Variants in HIP1 observed in about 807,000 individuals in gnomAD.
HIP1 encodes the protein huntingtin-interacting protein 1.
HIP1 carries 65 observed loss-of-function variants against 147.6 expected under a neutral mutation model. The observed-to-expected ratio is 0.44, with a 90% CI of 0.36 to 0.54. The LOEUF is 0.54. Ranked by LOEUF, HIP1 falls within the 20% of genes least tolerant of loss-of-function variation. The pLI is 0.00. For synonymous variants in HIP1, 479 were observed against 504.0 expected, an observed-to-expected ratio of 0.95 and a Z score of 0.67; for missense variants, 1,061 against 1,299.6, an observed-to-expected ratio of 0.82 and a Z score of 2.82.
chr7:75,601,603 T>G (rs991284416), intron 1 of HIP1, among the ~76,000 whole-genome samples: 51 of 127,598 alleles, frequency 4.0e-4, no homozygotes, highest in African/African-American at 1.5e-3. Flanking sequence ...AACAAAACTC[T>G]CAACAACAAC....
rs587737072 is a variant in HIP1, at chr7:75,536,753, T to C, written c.*1419A>G. 8.7e-6 allele frequency: 2 copies of C among 229,090 alleles called. No homozygotes were observed. The highest frequency in any genetic ancestry group is 1.8e-4 in the South Asian group (1 of 5,488). The allele number at this position is 229,090 out of a possible 1,614,324, so 14.2% of individuals were successfully genotyped here. On this transcript the variant is annotated 3_prime_UTR_variant, in exon 31 of 31. Transcript: ENST00000336926. Reference sequence around the variant, plus strand: ...GCTTTGGGATCCAAGTCAGTAACAGTCCAGCACCTTGGCCTTTCTTCTGAT... The same window carrying C: ...GCTTTGGGATCCAAGTCAGTAACAGCCCAGCACCTTGGCCTTTCTTCTGAT...
chr7:75,617,937 C>G (rs1331503104), intron 1 of HIP1, among the ~76,000 whole-genome samples: 1 of 152,214 alleles, frequency 6.6e-6, no homozygotes, highest in African/African-American at 2.4e-5. Flanking sequence ...GTAAATCCAC[C>G]AGACATATCC....
At chr7:75,736,116 T>C (rs1224853502) in intron 1 of HIP1, among the ~76,000 whole-genome samples, 3 of 151,716 alleles carry the variant, frequency 2.0e-5, no homozygotes, top group South Asian at 2.1e-4. Flanking sequence ...AAAATTCTCT[T>C]TTTCTGCTCC....
chr7:75,661,021 G>A (rs907347582), intron 1 of HIP1, among the ~76,000 whole-genome samples: 1 of 152,124 alleles, frequency 6.6e-6, no homozygotes, highest in African/African-American at 2.4e-5. Flanking sequence ...GCTCACGCCT[G>A]TAATGCTAAC....
chr7:75,584,280 A>G (rs193077592), intron 5 of HIP1, among the ~76,000 whole-genome samples: 2 of 150,900 alleles, frequency 1.3e-5, no homozygotes, highest in Admixed American at 1.3e-4. Flanking sequence ...AATTTTTTTT[A>G]AGAGACAGGG....
chr7:75,719,329 C>G (rs1279299317), intron 1 of HIP1, among the ~76,000 whole-genome samples: 2 of 151,654 alleles, frequency 1.3e-5, no homozygotes, highest in African/African-American at 4.8e-5. Context: ...ACGGTGAAAC[C>G]CCGTCTCTAC....
chr7:75,627,305 A>C (rs1181652284), intron 1 of HIP1, among the ~76,000 whole-genome samples: 3 of 152,112 alleles, frequency 2.0e-5, no homozygotes. Flanking sequence ...CACTTCCTAC[A>C]CCACTTGGCA....
chr7:75,737,713 C>T (rs1330349988), intron 1 of HIP1, among the ~76,000 whole-genome samples: 7 of 152,158 alleles, frequency 4.6e-5, no homozygotes, highest in African/African-American at 1.4e-4. Flanking sequence ...TCTTTTCTAA[C>T]TAAAATCCCA....
chr7:75,640,093 G>C (rs1363540649), intron 1 of HIP1, among the ~76,000 whole-genome samples: 1 of 152,240 alleles, frequency 6.6e-6, no homozygotes, highest in Non-Finnish European at 1.5e-5. Flanking sequence ...AGTAGACACA[G>C]CTGGTGGCCT....
chr7:75,620,566 G>A (rs1288262722), intron 1 of HIP1, among the ~76,000 whole-genome samples: 1 of 151,990 alleles, frequency 6.6e-6, no homozygotes, highest in East Asian at 1.9e-4. Flanking sequence ...CATGCCTGTA[G>A]TCCCAGCTAC....
At chr7:75,700,907 G>A (rs996109209) in intron 1 of HIP1, among the ~76,000 whole-genome samples, 3 of 151,598 alleles carry the variant, frequency 2.0e-5, no homozygotes, top group East Asian at 2.0e-4. Flanking sequence ...GGGTTTCACC[G>A]TGTTAGCCAG....
intron 1 of HIP1, among the ~76,000 whole-genome samples, chr7:75,729,797 A>AAACAAACAAACAAAAATCACAGT (rs1801775536): frequency 1.8e-5 from 1 of 54,936 alleles, no homozygotes; most frequent in South Asian, 4.7e-4. Context: ...AAAACAAAAC[A>AAACAAACAAACAAAAATCACAGT]AACAAACAAA....
At chr7:75,560,666 G>A (rs1281461235) in intron 13 of HIP1, among the ~76,000 whole-genome samples, 2 of 152,180 alleles carry the variant, frequency 1.3e-5, no homozygotes, top group African/African-American at 4.8e-5. Flanking sequence ...ACTGTGCCTG[G>A]CCTAAATGCT....
chr7:75,546,021 A>G (rs1209805220), intron 25 of HIP1, among the ~76,000 whole-genome samples: 3 of 152,198 alleles, frequency 2.0e-5, no homozygotes, highest in African/African-American at 7.2e-5. Flanking sequence ...CATGCAGGAA[A>G]TAAATGGAAG....
intron 23 of HIP1, 65 bp from the exon 24 acceptor site, chr7:75,547,878 A>G (rs879960331): frequency 7.1e-7 from 1 of 1,403,040 alleles, no homozygotes; most frequent in Non-Finnish European, 1.0e-6. Context: ...ATGTCTTACT[A>G]TACTTTCAGT....
chr7:75,692,267 AT>A (rs797039250), intron 1 of HIP1, among the ~76,000 whole-genome samples: 163 of 150,468 alleles, frequency 1.1e-3, no homozygotes, highest in Middle Eastern at 3.4e-3. Flanking sequence ...TTATTTATTG[AT>A]TTTTTTTTAA....
chr7:75,542,016 C>G, intron 28 of HIP1, 36 bp from the exon 29 acceptor site: 1 of 1,578,992 alleles, frequency 6.3e-7, no homozygotes, highest in Non-Finnish European at 8.7e-7. Context: ...TCATCAAATT[C>G]TACCCTGGCT....
intron 1 of HIP1, among the ~76,000 whole-genome samples, chr7:75,630,779 T>C (rs1554508763): frequency 6.6e-6 from 1 of 152,182 alleles, no homozygotes; most frequent in Non-Finnish European, 1.5e-5. Context: ...CTAACAGGTC[T>C]GATTGCCCCG....
chr7:75,573,461 G>A (rs1397572575), intron 8 of HIP1, among the ~76,000 whole-genome samples: 1 of 152,074 alleles, frequency 6.6e-6, no homozygotes, highest in Non-Finnish European at 1.5e-5. Flanking sequence ...CCTGGATGCC[G>A]AACAAGAACT....
Sources: allele counts gnomAD v4.1 joint callset (sites outside exome capture counted in the v4.1 genomes callset), GRCh38; gene constraint gnomAD v4.1.1; transcripts MANE v1.5; gene names NCBI Gene and HGNC (gene_info 2026-07-23, HGNC 2026-07-21).